Variants in RPS6KA2 observed in about 807,000 individuals in gnomAD.
RPS6KA2 encodes ribosomal protein S6 kinase A2, also known as ribosomal protein S6 kinase alpha-2.
A neutral mutation model predicts 91.8 loss-of-function variants in RPS6KA2; 42 were observed. That is an observed-to-expected ratio of 0.46 (90% CI 0.36 to 0.59). The LOEUF is 0.59. Ranked by LOEUF, RPS6KA2 falls within the 20% of genes least tolerant of loss-of-function variation. RPS6KA2 has a pLI of 0.00. For missense variants in RPS6KA2, 798 were observed against 978.5 expected (o/e 0.82, Z 2.46); for synonymous variants, 414 against 393.6 (o/e 1.05, Z -0.61).
In RPS6KA2 at chr6:166,626,647, C is replaced by A. The variant is rs932683223; in HGVS notation, c.99+274G>T. On this transcript the variant is annotated intron_variant, in intron 1 of 20. Coordinates refer to ENST00000265678, the MANE Select transcript of RPS6KA2 (RefSeq NM_021135.6). The surrounding 1 kb of genome is among the most constrained non-coding windows in gnomAD (Gnocchi z 4.1). Reference sequence around the variant, plus strand: ...TCCCTGTGGCCCACAGGGGACCATCCCACACCCCGTGCAGCCAGCGGCGGA... The same window carrying A: ...TCCCTGTGGCCCACAGGGGACCATCACACACCCCGTGCAGCCAGCGGCGGA... Among the ~76,000 whole-genome samples, 1 of 151,792 alleles carries A rather than the reference C, an allele frequency of 6.6e-6. No homozygotes were observed. Among genetic ancestry groups the A allele is most frequent in the African/African-American group, 2.4e-5 (1 of 41,078 alleles).
At chr6:166,709,786 G>A (rs1419445296) in intron 2 of RPS6KA2, among the ~76,000 whole-genome samples, 1 of 152,200 alleles carries the variant, frequency 6.6e-6, no homozygotes, top group African/African-American at 2.4e-5. Context: ...CACCAGGACA[G>A]CTTTAACTAC....
intron 1 of RPS6KA2, among the ~76,000 whole-genome samples, chr6:166,560,199 T>C (rs1784301372): frequency 6.6e-6 from 1 of 152,226 alleles, no homozygotes; most frequent in African/African-American, 2.4e-5. Context: ...GGCATGCATT[T>C]CTGGCCCTCT....
At chr6:166,430,135 G>T (rs556286803) in intron 16 of RPS6KA2, among the ~76,000 whole-genome samples, 17 of 150,434 alleles carry the variant, frequency 1.1e-4, no homozygotes, top group South Asian at 4.2e-4. Context: ...TTTTTTTTTT[G>T]TTGTTGTTAT....
chr6:166,409,405 G>A lies in RPS6KA2; in HGVS notation c.*3357C>T, dbSNP rs1778226843. On this transcript the variant is annotated 3_prime_UTR_variant, in exon 21 of 21. Coordinates refer to ENST00000265678, the MANE Select transcript of RPS6KA2 (RefSeq NM_021135.6). ...AAAAGATTACACTTCATAAAACCAT[G>A]TTTATTCAAAAAAATCTATTCAGAA... is the stretch of plus-strand genomic sequence containing the variant. 1 of 152,248 alleles carries A rather than the reference G, an allele frequency of 6.6e-6. No individual in the cohort carries two copies. The highest frequency in any genetic ancestry group is 1.5e-5 in the Non-Finnish European group (1 of 68,034). 9.4% of individuals were successfully genotyped at this position (152,248 alleles called of 1,614,324 possible).
intron 3 of RPS6KA2, among the ~76,000 whole-genome samples, chr6:166,512,636 G>A (rs981704702): frequency 2.0e-5 from 3 of 152,212 alleles, no homozygotes; most frequent in Admixed American, 6.5e-5. Flanking sequence ...TACTGTCTCC[G>A]GGGGCCCAGG....
chr6:166,579,292 G>T lies in RPS6KA2; in HGVS notation c.100-40508C>A, dbSNP rs150449036. The stretch of plus-strand genomic sequence containing the variant: ...AAATTTGAAGTTATAATAAAATCCA[G>T]GTTGAGATGGGCCCAACAGGTGCGA... On this transcript the variant is annotated intron_variant, in intron 1 of 20. Coordinates refer to ENST00000265678, the MANE Select transcript of RPS6KA2 (RefSeq NM_021135.6). Among the ~76,000 whole-genome samples the T allele has an allele frequency of 2.6e-3, 398 of 152,296 alleles. 2 individuals are homozygous for T. The highest frequency in any genetic ancestry group is 0.01 in the Middle Eastern group (3 of 294).
intron 2 of RPS6KA2, among the ~76,000 whole-genome samples, chr6:166,692,838 G>C (rs541859647): frequency 2.0e-5 from 3 of 152,316 alleles, no homozygotes; most frequent in Non-Finnish European, 4.4e-5. Context: ...GGAGGAGAGA[G>C]AGCATGTCGC....
At chr6:166,820,162 C>G (rs560106149) in intron 2 of RPS6KA2, among the ~76,000 whole-genome samples, 2 of 152,160 alleles carry the variant, frequency 1.3e-5, no homozygotes, top group African/African-American at 2.4e-5. Flanking sequence ...TATAGTTGGA[C>G]AAAGCCCCTT....
At chr6:166,685,242 G>C (rs112554572) in intron 2 of RPS6KA2, among the ~76,000 whole-genome samples, 3,480 of 114,654 alleles carry the variant, frequency 0.03, 413 homozygotes, top group African/African-American at 0.14. Flanking sequence ...AGGCTGGGAG[G>C]ACAGAGGCCG....
At position 166,594,657 on chromosome 6, in the gene RPS6KA2, C is replaced by T. The variant is rs1183658087; in HGVS notation, c.99+32264G>A. Reference sequence around the variant, plus strand: ...TTTTGTATTTTTAGTAGAGACGGAGCTTCACTGTGTTAGCCAGGATGGTCT... The same window carrying T: ...TTTTGTATTTTTAGTAGAGACGGAGTTTCACTGTGTTAGCCAGGATGGTCT... On this transcript the variant is annotated intron_variant, in intron 1 of 20. Coordinates refer to ENST00000265678, the MANE Select transcript of RPS6KA2 (RefSeq NM_021135.6). Among the ~76,000 whole-genome samples the T allele has an allele frequency of 7.9e-5, 12 of 152,136 alleles. No individual in the cohort carries two copies. In the East Asian group the frequency reaches 1.2e-3, roughly 15 times the overall value.
Position 166,490,683 on chromosome 6 carries a change from G to A in RPS6KA2, c.806C>T (p.Ala269Val). The change falls in exon 9 of 21, where the codon GCT (alanine) becomes GTT (valine). Residue 269 changes from alanine to valine, a missense_variant. Ala to Val is a moderately conservative substitution (Grantham distance 64). Transcript: ENST00000265678. This position sits in a 1 kb window ranked among gnomAD's most constrained non-coding sequence, Gnocchi z 4.2. ...FQGKDRKETMALILKAKLGMP... is the reference protein window; with the variant it reads ...FQGKDRKETMVLILKAKLGMP... ...CCACACTACTCACTTGAGGATGAGA[G>A]CCATGGTCTCCTTCCTGTCCTTCCC... 1.2e-6 allele frequency: 2 copies of A among 1,611,242 alleles called. No homozygotes were observed. The highest frequency in any genetic ancestry group is 1.7e-6 in the Non-Finnish European group (2 of 1,178,462).
chr6:166,436,783 G>C (rs1420280736), intron 14 of RPS6KA2, among the ~76,000 whole-genome samples: 1 of 152,174 alleles, frequency 6.6e-6, no homozygotes, highest in African/African-American at 2.4e-5. Context: ...CACAGACTGG[G>C]GTCTCTCCTG....
At chr6:166,527,950 A>G (rs1306950226) in intron 3 of RPS6KA2, among the ~76,000 whole-genome samples, 2 of 152,098 alleles carry the variant, frequency 1.3e-5, no homozygotes, top group African/African-American at 4.8e-5. Context: ...CATTTCCCAG[A>G]TAGTGGACAT....
rs778838761 is a variant in RPS6KA2 at position 166,857,238 on chromosome 6, G to T, written c.123+962C>A. 4.5e-4 allele frequency among the ~76,000 whole-genome samples: 69 copies of T among 152,150 alleles called. 2 individuals are homozygous for T. The highest frequency in any genetic ancestry group is 2.1e-4 in the Non-Finnish European group (14 of 68,030). On this transcript the variant is annotated intron_variant, in intron 2 of 21. Coordinates refer to the RPS6KA2 transcript ENST00000503859. ...CCAGCCCTTCCAGTCTGCAATATCT[G>T]CCAGCTATTTTAAAAGTCAACAGAG... is the stretch of plus-strand genomic sequence containing the variant.
chr6:166,658,173 T>C (rs1290209589), intron 2 of RPS6KA2, among the ~76,000 whole-genome samples: 2 of 152,182 alleles, frequency 1.3e-5, no homozygotes, highest in Non-Finnish European at 2.9e-5. Flanking sequence ...TGAGCCACTG[T>C]GGCCAGCCCA....
intron 2 of RPS6KA2, among the ~76,000 whole-genome samples, chr6:166,762,818 T>C (rs762390140): frequency 1.3e-5 from 2 of 152,124 alleles, no homozygotes; most frequent in Non-Finnish European, 2.9e-5. Flanking sequence ...ACCACGAGAT[T>C]TGAGGCCTGT....
rs181537152 is a variant in RPS6KA2, at chr6:166,479,944, C to T, written c.907+8889G>A. On this transcript the variant is annotated intron_variant, in intron 10 of 20. Coordinates refer to ENST00000265678, the MANE Select transcript of RPS6KA2 (RefSeq NM_021135.6). ...TTCCATGTTAGTGCATGCAGAATGG[C>T]CTCACTCTTCAGTACTCACATAGTA... Among the ~76,000 whole-genome samples the T allele has an allele frequency of 1.0e-3, 158 of 152,278 alleles. 1 individual carries two copies. Among genetic ancestry groups the T allele is most frequent in the African/African-American group, 3.8e-3 (156 of 41,546 alleles).
At position 166,702,422 on chromosome 6, in the gene RPS6KA2, A is replaced by G. The variant is rs1215600535; in HGVS notation, c.123+155778T>C. On this transcript the variant is annotated intron_variant, in intron 2 of 21. Transcript: ENST00000503859. ...TAACTGAAATCCATTCAGTTTGTCT[A>G]GTGCTTGTCTAGCGCTTGTCTAGCT... The G allele has an allele frequency of 1.5e-3, 1,902 of 1,298,972 alleles. 3 individuals are homozygous for G. The highest frequency in any genetic ancestry group is 1.8e-3 in the Non-Finnish European group (1,740 of 942,012). 80.5% of individuals were successfully genotyped at this position (1,298,972 alleles called of 1,614,324 possible).
intron 10 of RPS6KA2, among the ~76,000 whole-genome samples, chr6:166,480,513 ATAATATAT>A (rs1781172169): frequency 2.1e-5 from 2 of 96,504 alleles, no homozygotes; most frequent in Admixed American, 1.1e-4. Flanking sequence ...ATATATATAT[ATAATATAT>A]TTTTTTTTTT....
Sources: allele counts gnomAD v4.1 joint callset (sites outside exome capture counted in the v4.1 genomes callset), GRCh38; gene constraint gnomAD v4.1.1; non-coding constraint Gnocchi (gnomAD v3.1); transcripts MANE v1.5; gene names NCBI Gene and HGNC (gene_info 2026-07-23, HGNC 2026-07-21).